CABCOCO1: variants seen among roughly 807,000 people sequenced by gnomAD.
CABCOCO1 encodes the protein ciliary associated calcium binding coiled-coil 1, also known as ciliary-associated calcium-binding coiled-coil protein 1.
Under a neutral mutation model 35.7 loss-of-function variants are expected in CABCOCO1, and 28 were observed. The ratio of observed to expected loss-of-function variants is 0.78; its 90% CI spans 0.58 to 1.07. CABCOCO1 has a LOEUF of 1.07. CABCOCO1 is among the 50% of genes least tolerant of loss of function. CABCOCO1 has a pLI of 0.00. For missense variants in CABCOCO1, 326 were observed against 309.2 expected, an observed-to-expected ratio of 1.05 and a Z score of -0.41; for synonymous variants, 95 against 100.1, an observed-to-expected ratio of 0.95 and a Z score of 0.30.
intron 5 of CABCOCO1, among the ~76,000 whole-genome samples, chr10:61,755,027 AAGG>A (rs894826288): frequency 1.3e-5 from 2 of 152,168 alleles, no homozygotes; most frequent in African/African-American, 2.4e-5. Context: ...CAAAAATGCA[AAGG>A]AGGAGGAGGA....
intron 7 of CABCOCO1, among the ~76,000 whole-genome samples, chr10:61,764,053 C>T (rs371153422): frequency 1.3e-5 from 2 of 152,054 alleles, no homozygotes; most frequent in African/African-American, 2.4e-5. Context: ...AAGGCCTACA[C>T]TTGTTTTGAT....
chr10:61,687,106 C>G (rs377110095), intron 4 of CABCOCO1, among the ~76,000 whole-genome samples: 41 of 152,048 alleles, frequency 2.7e-4, no homozygotes, highest in Admixed American at 1.6e-3. Flanking sequence ...TTTTTAAATC[C>G]TAGTAGGTTT....
At chr10:61,698,022 T>G (rs1840340801) in intron 5 of CABCOCO1, among the ~76,000 whole-genome samples, 1 of 152,100 alleles carries the variant, frequency 6.6e-6, no homozygotes, top group Admixed American at 6.6e-5. Flanking sequence ...AATTATGCAT[T>G]TTTATCATAT....
At chr10:61,734,347 T>C (rs1175994535) in intron 5 of CABCOCO1, among the ~76,000 whole-genome samples, 1 of 151,984 alleles carries the variant, frequency 6.6e-6, no homozygotes, top group Non-Finnish European at 1.5e-5. Flanking sequence ...TTTCCTCTTT[T>C]CCTCCCCAGC....
At chr10:61,727,882 C>T in intron 5 of CABCOCO1, among the ~76,000 whole-genome samples, 1 of 152,074 alleles carries the variant, frequency 6.6e-6, no homozygotes, top group East Asian at 1.9e-4. Context: ...CACATTCATC[C>T]CTCTATATAT....
chr10:61,694,623 A>G (rs1840245415), intron 5 of CABCOCO1, among the ~76,000 whole-genome samples: 1 of 152,058 alleles, frequency 6.6e-6, no homozygotes, highest in Admixed American at 6.6e-5. Context: ...AAAATTGGAC[A>G]AGATTTTTTT....
At chr10:61,713,901 A>T (rs1207457815) in intron 5 of CABCOCO1, among the ~76,000 whole-genome samples, 1 of 152,106 alleles carries the variant, frequency 6.6e-6, no homozygotes, top group Non-Finnish European at 1.5e-5. Context: ...GTGCTGCTGG[A>T]TTCGGTTTGC....
intron 5 of CABCOCO1, among the ~76,000 whole-genome samples, chr10:61,694,380 C>T (rs1178594082): frequency 6.7e-6 from 1 of 149,782 alleles, no homozygotes; most frequent in Non-Finnish European, 1.5e-5. Flanking sequence ...TAGAAATAAA[C>T]CTGTGCATAC....
rs1842109358 is a variant in CABCOCO1, at chr10:61,766,296, C to T, written c.*283C>T. The T allele has an allele frequency of 5.0e-6, 1 of 198,020 alleles. No homozygotes were observed. The highest frequency in any genetic ancestry group is 2.3e-5 in the African/African-American group (1 of 43,080). The allele number at this position is 198,020 out of a possible 1,614,324, so 12.3% of individuals were successfully genotyped here. A position where few individuals can be genotyped will look rare whatever the true frequency, so the allele number is the denominator to read the frequency against. ...AAATACAATTACTTTTATGATAGTCCTTTGACGTTTTGACTAATAAATCCT... is the reference window on the plus strand; with the variant it reads ...AAATACAATTACTTTTATGATAGTCTTTTGACGTTTTGACTAATAAATCCT... On this transcript the variant is annotated 3_prime_UTR_variant, in exon 8 of 8. Coordinates refer to ENST00000648843, the MANE Select transcript of CABCOCO1 (RefSeq NM_001366906.2).
rs72822053 is a variant in CABCOCO1, at chr10:61,669,091, C to G, written c.61-3541C>G. Among the ~76,000 whole-genome samples, 723 of 149,760 alleles carry G rather than the reference C, an allele frequency of 4.8e-3. 6 individuals are homozygous for G. The highest frequency in any genetic ancestry group is 5.9e-3 in the Non-Finnish European group (401 of 67,508). Reference sequence around the variant, plus strand: ...TATGTCCTCTGTGACTAGGAAACTTCTCTTTAGTAAACTTTGGTGAAATCT... The same window carrying G: ...TATGTCCTCTGTGACTAGGAAACTTGTCTTTAGTAAACTTTGGTGAAATCT... On this transcript the variant is annotated intron_variant, in intron 1 of 7. Transcript: ENST00000648843.
At chr10:61,741,506 T>C (rs1841548670) in intron 5 of CABCOCO1, among the ~76,000 whole-genome samples, 1 of 152,180 alleles carries the variant, frequency 6.6e-6, no homozygotes, top group South Asian at 2.1e-4. Flanking sequence ...TTTTAGCTAA[T>C]GTATGAAGAA....
intron 2 of CABCOCO1, among the ~76,000 whole-genome samples, chr10:61,679,329 C>CTATCTA (rs374330104): frequency 0.25 from 34,963 of 142,110 alleles, 4,665 homozygotes; most frequent in Middle Eastern, 0.33. Flanking sequence ...ATATCTATAT[C>CTATCTA]TATCTATATC....
intron 2 of CABCOCO1, among the ~76,000 whole-genome samples, chr10:61,677,923 A>AGTC (rs1215799719): frequency 7.1e-6 from 1 of 141,580 alleles, no homozygotes; most frequent in Non-Finnish European, 1.5e-5. Context: ...CCAATTTATT[A>AGTC]GTCTTTTTCT....
Position 61,761,856 on chromosome 10 carries a change from C to T in CABCOCO1, c.816+853C>T, listed in dbSNP as rs1047889179. 4.6e-5 allele frequency among the ~76,000 whole-genome samples: 7 copies of T among 152,154 alleles called. No homozygotes were observed. In the East Asian group the frequency reaches 1.3e-3, roughly 29 times the overall value. On this transcript the variant is annotated intron_variant, in intron 7 of 7. Transcript: ENST00000648843. ...AAAGATTAGCTTGGCATAAGCATAC[C>T]TTGTTACTTGTTTAATCATCAAATG...
At chr10:61,671,255 G>A (rs1589108991) in intron 1 of CABCOCO1, among the ~76,000 whole-genome samples, 1 of 152,014 alleles carries the variant, frequency 6.6e-6, no homozygotes, top group East Asian at 1.9e-4. Context: ...GAACCTGGGA[G>A]GCGGAGCTTG....
intron 5 of CABCOCO1, among the ~76,000 whole-genome samples, chr10:61,719,480 C>T (rs981878849): frequency 8.6e-5 from 13 of 151,934 alleles, no homozygotes; most frequent in African/African-American, 3.1e-4. Context: ...ACCCCCACAC[C>T]CTCCACACAC....
At chr10:61,716,029 A>G (rs1840856450) in intron 5 of CABCOCO1, among the ~76,000 whole-genome samples, 1 of 151,894 alleles carries the variant, frequency 6.6e-6, no homozygotes, top group East Asian at 1.9e-4. Flanking sequence ...GTGGAATTAA[A>G]ATAAATGGAA....
At chr10:61,749,575 C>T (rs766160986) in intron 5 of CABCOCO1, among the ~76,000 whole-genome samples, 9 of 152,214 alleles carry the variant, frequency 5.9e-5, no homozygotes, top group Non-Finnish European at 1.3e-4. Flanking sequence ...AATTCTCTTT[C>T]TGAATTTATC....
intron 5 of CABCOCO1, among the ~76,000 whole-genome samples, chr10:61,736,891 G>T (rs1191633864): frequency 1.3e-5 from 2 of 151,996 alleles, no homozygotes; most frequent in Middle Eastern, 3.4e-3. Flanking sequence ...GTATTTTATT[G>T]TTTTTTTGTG....
Sources: allele counts gnomAD v4.1 joint callset (sites outside exome capture counted in the v4.1 genomes callset), GRCh38; gene constraint gnomAD v4.1.1; transcripts MANE v1.5; gene names NCBI Gene and HGNC (gene_info 2026-07-23, HGNC 2026-07-21).